GCNT2: variants seen among roughly 807,000 people sequenced by gnomAD.
GCNT2 encodes the protein N-acetyllactosaminide beta-1,6-N-acetylglucosaminyl-transferase.
In GCNT2, 34 loss-of-function variants were observed where a neutral mutation model predicts 34.2. The ratio of observed to expected loss-of-function variants is 1.00; its 90% confidence interval spans 0.76 to 1.32. The LOEUF is 1.32. GCNT2 is among the 40% of genes most tolerant of loss of function. The pLI is 0.00. For missense variants in GCNT2, 584 were observed against 489.4 expected (o/e 1.19, Z -1.82); for synonymous variants, 212 against 188.0 (o/e 1.13, Z -1.04).
chr6:10,597,576 A>G (rs1465133690), intron 3 of GCNT2, among the ~76,000 whole-genome samples: 1 of 152,170 alleles, frequency 6.6e-6, no homozygotes, highest in Admixed American at 6.5e-5. Context: ...TAAAAGGGCT[A>G]GAAGAATCTC....
intron 3 of GCNT2, among the ~76,000 whole-genome samples, chr6:10,596,834 C>T (rs1171151645): frequency 1.3e-5 from 2 of 151,602 alleles, no homozygotes; most frequent in African/African-American, 4.8e-5. Context: ...TCCATTACTG[C>T]GTATTCTCAC....
intron 3 of GCNT2, among the ~76,000 whole-genome samples, chr6:10,618,948 A>C (rs1409721527): frequency 6.6e-6 from 1 of 152,204 alleles, no homozygotes; most frequent in Non-Finnish European, 1.5e-5. Flanking sequence ...TTTACAGGAA[A>C]AGCTGTAACA....
At chr6:10,611,253 A>G (rs1164957381) in intron 3 of GCNT2, among the ~76,000 whole-genome samples, 1 of 93,726 alleles carries the variant, frequency 1.1e-5, no homozygotes, top group Non-Finnish European at 2.4e-5. Flanking sequence ...TAAGTGATCA[A>G]TTGATCACTT....
At chr6:10,592,061 A>G (rs992773746) in intron 3 of GCNT2, among the ~76,000 whole-genome samples, 3 of 152,198 alleles carry the variant, frequency 2.0e-5, no homozygotes, top group African/African-American at 7.2e-5. Flanking sequence ...ATTAATTACA[A>G]ACGTTGAATG....
chr6:10,613,854 C>CAGCT (rs1765657804), intron 3 of GCNT2, among the ~76,000 whole-genome samples: 1 of 152,148 alleles, frequency 6.6e-6, no homozygotes, highest in African/African-American at 2.4e-5. Context: ...CAGGGATACC[C>CAGCT]AGCTGGTTAG....
chr6:10,592,836 G>A (rs1764709395), intron 3 of GCNT2, among the ~76,000 whole-genome samples: 1 of 152,056 alleles, frequency 6.6e-6, no homozygotes. Context: ...TGCCTCCCAG[G>A]TTCAAGCAAT....
At chr6:10,624,597 T>C (rs903628766) in intron 4 of GCNT2, among the ~76,000 whole-genome samples, 1 of 152,180 alleles carries the variant, frequency 6.6e-6, no homozygotes, top group African/African-American at 2.4e-5. Flanking sequence ...AAGGTTATGC[T>C]AAAACAGCCT....
At chr6:10,598,980 A>G (rs1451791365) in intron 3 of GCNT2, among the ~76,000 whole-genome samples, 1 of 152,194 alleles carries the variant, frequency 6.6e-6, no homozygotes, top group Non-Finnish European at 1.5e-5. Context: ...TAAGTGTTGT[A>G]TTTATTCCAC....
chr6:10,541,005 G>C lies in GCNT2; in HGVS notation c.925+11169G>C, dbSNP rs144134381. Among the ~76,000 whole-genome samples, 1,110 of 152,242 alleles carry C rather than the reference G, an allele frequency of 7.3e-3. 10 individuals carry two copies. Among genetic ancestry groups the C allele is most frequent in the African/African-American group, 0.025 (1,055 of 41,554 alleles). On this transcript the variant is annotated intron_variant, in intron 3 of 4. Coordinates refer to ENST00000495262, the MANE Select transcript of GCNT2 (RefSeq NM_145649.5). ...GTTTTGAGGACTGAATTTGTATATT[G>C]TTTTTGTTTTCTTTCTATTTTAAGT...
At position 10,529,660 on chromosome 6, in the gene GCNT2, T is replaced by C; in HGVS notation, c.749T>C (p.Leu250Ser). Reference protein sequence around the residue: ...KNSYVIKTTKLKTPPPHDMVI... With the variant: ...KNSYVIKTTKSKTPPPHDMVI... ...TCCTACGTGATTAAAACAACAAAAT[T>C]AAAAACTCCTCCTCCTCATGACATG... is the stretch of plus-strand genomic sequence containing the variant. Residue 250 changes from leucine to serine, a missense_variant, in exon 3 of 5, where the codon TTA becomes TCA. Leu to Ser is a moderately radical substitution (Grantham distance 145). Coordinates refer to ENST00000495262, the MANE Select transcript of GCNT2 (RefSeq NM_145649.5). The C allele has an allele frequency of 6.2e-7, 1 of 1,613,782 alleles. No individual in the cohort carries two copies. The highest frequency in any genetic ancestry group is 1.7e-5 in the Admixed American group (1 of 59,982).
chr6:10,622,615 A>G (rs915644008), intron 4 of GCNT2, among the ~76,000 whole-genome samples: 1 of 152,066 alleles, frequency 6.6e-6, no homozygotes, highest in South Asian at 2.1e-4. Flanking sequence ...TTCAGTCCAT[A>G]ATATGCAATA....
rs142329625 is a variant in GCNT2, at chr6:10,526,815, C to T, written c.-468-659C>T. 4.1e-3 allele frequency among the ~76,000 whole-genome samples: 622 copies of T among 152,268 alleles called. 4 individuals are homozygous for T. The highest frequency in any genetic ancestry group is 0.027 in the Middle Eastern group (8 of 294). ...GAAACTATCTACGATATTATGTCGT[C>T]TTTGTGATTAAGAAAATGAGCCAGG... On this transcript the variant is annotated intron_variant, in intron 1 of 4. Coordinates refer to ENST00000495262, the MANE Select transcript of GCNT2 (RefSeq NM_145649.5).
At chr6:10,612,179 C>T (rs750358063) in intron 3 of GCNT2, among the ~76,000 whole-genome samples, 10 of 151,762 alleles carry the variant, frequency 6.6e-5, no homozygotes, top group Non-Finnish European at 1.3e-4. Context: ...TAGAGACAGG[C>T]TTTCACCATG....
At chr6:10,576,143 T>TA (rs1400256050) in intron 3 of GCNT2, among the ~76,000 whole-genome samples, 2 of 152,206 alleles carry the variant, frequency 1.3e-5, no homozygotes, top group Non-Finnish European at 2.9e-5. Context: ...GTGCTGGAAT[T>TA]ACAGGCGTGA....
intron 3 of GCNT2, among the ~76,000 whole-genome samples, chr6:10,585,076 TGTGCGC>T (rs1764287035): frequency 1.1e-5 from 1 of 90,488 alleles, no homozygotes; most frequent in African/African-American, 7.3e-5. Flanking sequence ...TGTGTGTGTG[TGTGCGC>T]GCTATATTCT....
chr6:10,626,304 G>A, intron 4 of GCNT2, 113 bp from the exon 5 acceptor site: 8 of 794,184 alleles, frequency 1.0e-5, no homozygotes, highest in Non-Finnish European at 1.6e-5. Flanking sequence ...TTTGAATCCT[G>A]TACCATTGGC....
intron 3 of GCNT2, among the ~76,000 whole-genome samples, chr6:10,566,821 A>T (rs1763304149): frequency 6.6e-6 from 1 of 152,226 alleles, no homozygotes; most frequent in South Asian, 2.1e-4. Context: ...TATGGGTTTA[A>T]ATGGTGTTGG....
chr6:10,624,195 T>G (rs995460294), intron 4 of GCNT2, among the ~76,000 whole-genome samples: 2 of 152,218 alleles, frequency 1.3e-5, no homozygotes, highest in African/African-American at 4.8e-5. Flanking sequence ...CTGCTCACCT[T>G]TAAGCTCCCA....
chr6:10,578,123 G>A (rs1488758039), intron 3 of GCNT2, among the ~76,000 whole-genome samples: 1 of 152,024 alleles, frequency 6.6e-6, no homozygotes, highest in Non-Finnish European at 1.5e-5. Context: ...AGGCGCATTG[G>A]CTCACGCCTG....
Sources: gnomAD v4.1 joint callset for allele counts (sites outside exome capture counted in the v4.1 genomes callset) on GRCh38, gnomAD v4.1.1 for gene constraint, MANE v1.5 for transcripts, NCBI Gene and HGNC (gene_info 2026-07-23, HGNC 2026-07-21) for gene names.